GRIN2B: variants seen among roughly 807,000 people sequenced by gnomAD.
GRIN2B encodes the protein glutamate receptor ionotropic, NMDA 2B.
Under a neutral mutation model 114.5 loss-of-function variants are expected in GRIN2B, and 5 were observed. That is an observed-to-expected ratio of 0.04 (90% CI 0.02 to 0.09). The LOEUF (loss-of-function observed/expected upper bound fraction) is 0.09, where lower values mean the gene tolerates loss of function less well. Ranked by LOEUF, GRIN2B falls within the 10% of genes least tolerant of loss-of-function variation. The pLI, the probability that GRIN2B is intolerant of heterozygous loss-of-function variation, is 1.00. For synonymous variants in GRIN2B, 787 were observed against 745.1 expected, an observed-to-expected ratio of 1.06 and a Z score of -0.92; for missense variants, 1,108 against 1,943.5, an observed-to-expected ratio of 0.57 and a Z score of 8.08.
intron 3 of GRIN2B, among the ~76,000 whole-genome samples, chr12:13,806,643 A>G (rs964782550): frequency 6.6e-6 from 1 of 152,116 alleles, no homozygotes; most frequent in Non-Finnish European, 1.5e-5. Context: ...TATGATTTGC[A>G]AACATTTTCT....
intron 10 of GRIN2B, among the ~76,000 whole-genome samples, chr12:13,597,834 T>G (rs756130046): frequency 6.6e-6 from 1 of 152,222 alleles, no homozygotes; most frequent in Non-Finnish European, 1.5e-5. Context: ...TAGAACCATA[T>G]GTGAAGAGTT....
rs1948259875 is a variant in GRIN2B, at chr12:13,540,245, C to T, written c.*22538G>A. 3.3e-5 allele frequency: 5 copies of T among 152,094 alleles called. No homozygotes were observed. The South Asian group carries it at 1.0e-3, about 32-fold the overall frequency. 9.4% of individuals were successfully genotyped at this position (152,094 alleles called of 1,614,324 possible). Reference sequence around the variant, plus strand: ...ACTCTGATTCTGGATTTTTTTTAACCCTGATAATTTGTGGTAGGTTTCTTT... The same window carrying T: ...ACTCTGATTCTGGATTTTTTTTAACTCTGATAATTTGTGGTAGGTTTCTTT... On this transcript the variant is annotated 3_prime_UTR_variant, in exon 14 of 14. Coordinates refer to ENST00000609686, the MANE Select transcript of GRIN2B (RefSeq NM_000834.5).
At position 13,572,493 on chromosome 12, in the gene GRIN2B, C is replaced by T. The variant is rs986286658; in HGVS notation, c.2011-529G>A. On this transcript the variant is annotated intron_variant, in intron 10 of 13. Transcript: ENST00000609686. ...TGCTAAGAAATTTTCTTTTGACCTT[C>T]CCTGATGCACTGAAAGCTCATATTT... 2.6e-5 allele frequency among the ~76,000 whole-genome samples: 4 copies of T among 152,264 alleles called. No individual in the cohort carries two copies. The South Asian group carries it at 8.3e-4, about 32-fold the overall frequency.
intron 3 of GRIN2B, among the ~76,000 whole-genome samples, chr12:13,832,956 T>C (rs1332471412): frequency 6.6e-6 from 1 of 151,960 alleles, no homozygotes; most frequent in Non-Finnish European, 1.5e-5. Flanking sequence ...ATATTTTAAT[T>C]AAAAAAAATC....
chr12:13,961,144 C>T (rs1179121721), intron 2 of GRIN2B, among the ~76,000 whole-genome samples: 1 of 151,844 alleles, frequency 6.6e-6, no homozygotes, highest in African/African-American at 2.4e-5. Context: ...GCAGATATGC[C>T]TGCAAGTGGG....
chr12:13,569,707 A>G lies in GRIN2B; in HGVS notation c.2359+123T>C, dbSNP rs1948683235. The G allele has an allele frequency of 5.9e-6, 4 of 683,544 alleles. No individual in the cohort carries two copies. The East Asian group carries it at 7.8e-5, about 13-fold the overall frequency. The allele number at this position is 683,544 out of a possible 1,614,324, so 42.3% of individuals were successfully genotyped here. A position where few individuals can be genotyped will look rare whatever the true frequency, so the allele number is the denominator to read the frequency against. On this transcript the variant is annotated intron_variant, in intron 12 of 13. Coordinates refer to ENST00000609686, the MANE Select transcript of GRIN2B (RefSeq NM_000834.5). The stretch of plus-strand genomic sequence containing the variant: ...CAAATATATACCCGAAAACTACACA[A>G]TATACTGTGAAATGCTTTTCCGGAA...
chr12:13,684,490 C>T (rs1362092190), intron 4 of GRIN2B, among the ~76,000 whole-genome samples: 6 of 152,156 alleles, frequency 3.9e-5, no homozygotes, highest in African/African-American at 1.4e-4. Context: ...TGTGCTCATG[C>T]TCACGACTCT....
rs1043107354 is a variant in GRIN2B at position 13,565,192 on chromosome 12, A to G, written c.2599-553T>C. On this transcript the variant is annotated intron_variant, in intron 13 of 13. Coordinates refer to ENST00000609686, the MANE Select transcript of GRIN2B (RefSeq NM_000834.5). ...AAGCAGGTTTAGAATTTTGGTCACC[A>G]AATAACAGCTGAGCAATTCTCTTCT... Among the ~76,000 whole-genome samples the G allele has an allele frequency of 2.6e-5, 4 of 152,362 alleles. No individual in the cohort carries two copies. The South Asian group carries it at 8.3e-4, about 32-fold the overall frequency.
intron 3 of GRIN2B, among the ~76,000 whole-genome samples, chr12:13,842,169 T>G (rs921340824): frequency 1.3e-5 from 2 of 152,214 alleles, no homozygotes; most frequent in Non-Finnish European, 2.9e-5. Flanking sequence ...TATCCCAATA[T>G]GACACTCTCC....
At chr12:13,758,080 G>A (rs1014185664) in intron 3 of GRIN2B, among the ~76,000 whole-genome samples, 1 of 152,134 alleles carries the variant, frequency 6.6e-6, no homozygotes, top group African/African-American at 2.4e-5. Context: ...TGGGGTAAAT[G>A]GGACTGAATG....
Position 13,797,413 on chromosome 12 carries a change from A to C in GRIN2B, c.412-43498T>G, listed in dbSNP as rs568012833. ...GACAATAGCAAATACTATAAGTTGC[A>C]CTTTTACTAAAATGATAATGGAAAG... On this transcript the variant is annotated intron_variant, in intron 3 of 13. Coordinates refer to ENST00000609686, the MANE Select transcript of GRIN2B (RefSeq NM_000834.5). 2.0e-5 allele frequency among the ~76,000 whole-genome samples: 3 copies of C among 152,230 alleles called. No individual in the cohort carries two copies. In the East Asian group the frequency reaches 5.8e-4, roughly 29 times the overall value.
At chr12:13,633,461 C>T (rs1446721371) in intron 5 of GRIN2B, among the ~76,000 whole-genome samples, 5 of 152,232 alleles carry the variant, frequency 3.3e-5, no homozygotes, top group Non-Finnish European at 4.4e-5. Flanking sequence ...CATGAGGATA[C>T]TGGCCTGTGC....
chr12:13,753,289 A>T lies in GRIN2B; in HGVS notation c.1010+28T>A, dbSNP rs753196415. 7.9e-7 allele frequency: 1 copy of T among 1,270,484 alleles called. No individual in the cohort carries two copies. The highest frequency in any genetic ancestry group is 2.3e-5 in the East Asian group (1 of 43,304). 78.7% of individuals were successfully genotyped at this position (1,270,484 alleles called of 1,614,324 possible). ...TTGAAGCTCCCCTCTCATCTCCACC[A>T]TCAATGTGCCCTCTGTTCCACACTC... On this transcript the variant is annotated intron_variant, in intron 4 of 13. Coordinates refer to ENST00000609686, the MANE Select transcript of GRIN2B (RefSeq NM_000834.5). The surrounding 1 kb of genome is among the most constrained non-coding windows in gnomAD (Gnocchi z 6.2).
At position 13,879,023 on chromosome 12, in the gene GRIN2B, G is replaced by A. The variant is rs139815972; in HGVS notation, c.-18-12797C>T. Among the ~76,000 whole-genome samples, 510 of 152,172 alleles carry A rather than the reference G, an allele frequency of 3.4e-3. 1 individual carries two copies. The highest frequency in any genetic ancestry group is 4.3e-3 in the Non-Finnish European group (293 of 68,010). On this transcript the variant is annotated intron_variant, in intron 2 of 13. Coordinates refer to ENST00000609686, the MANE Select transcript of GRIN2B (RefSeq NM_000834.5). ...TTTTATTCTTCTCTTTGATTTGGTCGGAATCTGATTCATGAAAAAATTGAG... is the reference window on the plus strand; with the variant it reads ...TTTTATTCTTCTCTTTGATTTGGTCAGAATCTGATTCATGAAAAAATTGAG...
intron 3 of GRIN2B, among the ~76,000 whole-genome samples, chr12:13,791,681 AAAT>A (rs1229794177): frequency 6.6e-6 from 1 of 152,108 alleles, no homozygotes; most frequent in East Asian, 1.9e-4. Context: ...TAAATTAACT[AAAT>A]AATTCTTTAT....
chr12:13,882,512 G>A (rs1287668268), intron 2 of GRIN2B, among the ~76,000 whole-genome samples: 1 of 152,156 alleles, frequency 6.6e-6, no homozygotes, highest in Admixed American at 6.5e-5. Flanking sequence ...GATTTACTAT[G>A]TGACCTTAAG....
intron 5 of GRIN2B, among the ~76,000 whole-genome samples, chr12:13,650,830 A>G (rs1315133794): frequency 6.6e-6 from 1 of 152,126 alleles, no homozygotes; most frequent in East Asian, 1.9e-4. Flanking sequence ...GCTAGAATGA[A>G]TACTCCATGA....
At chr12:13,625,146 C>T (rs898910834) in intron 5 of GRIN2B, among the ~76,000 whole-genome samples, 1 of 152,184 alleles carries the variant, frequency 6.6e-6, no homozygotes, top group African/African-American at 2.4e-5. Flanking sequence ...TTATTAATTG[C>T]CTACAATATA....
intron 5 of GRIN2B, among the ~76,000 whole-genome samples, chr12:13,634,477 G>T (rs955534266): frequency 6.6e-6 from 1 of 152,186 alleles, no homozygotes; most frequent in Admixed American, 6.5e-5. Flanking sequence ...TCTTCAACAG[G>T]AGTCTTCCAA....
Sources: allele counts gnomAD v4.1 joint callset (sites outside exome capture counted in the v4.1 genomes callset), GRCh38; gene constraint gnomAD v4.1.1; non-coding constraint Gnocchi (gnomAD v3.1); transcripts MANE v1.5; gene names NCBI Gene and HGNC (gene_info 2026-07-23, HGNC 2026-07-21).